The following CNTN5 variants were observed in gnomAD, a reference collection of about 807,000 sequenced individuals.
CNTN5 encodes contactin 5, also known as contactin-5.
In CNTN5, 77 loss-of-function variants were observed where a neutral mutation model predicts 129.1. That is an observed-to-expected ratio of 0.60 (90% CI 0.50 to 0.72). CNTN5 has a LOEUF of 0.72. CNTN5 is among the 30% of genes least tolerant of loss of function. CNTN5 has a pLI of 0.00. For synonymous variants in CNTN5, 509 were observed against 465.6 expected (o/e 1.09, Z -1.20); for missense variants, 1,478 against 1,328.8 (o/e 1.11, Z -1.75).
rs114081735 is a variant in CNTN5, at chr11:99,655,961, T to C, written c.55+99692T>C. ...ACACACACGTGTATATACACACATA[T>C]ATATACACATATATGCATGTGTGTA... On this transcript the variant is annotated intron_variant, in intron 3 of 24. Coordinates refer to ENST00000524871, the MANE Select transcript of CNTN5 (RefSeq NM_014361.4). 2.3e-3 allele frequency among the ~76,000 whole-genome samples: 343 copies of C among 152,190 alleles called. 1 individual carries two copies. The highest frequency in any genetic ancestry group is 7.5e-3 in the African/African-American group (312 of 41,550).
chr11:99,271,941 A>T (rs1863192014), intron 1 of CNTN5, among the ~76,000 whole-genome samples: 1 of 151,918 alleles, frequency 6.6e-6, no homozygotes, highest in African/African-American at 2.4e-5. Flanking sequence ...AGAAGTTACT[A>T]AGAAATGCAC....
intron 8 of CNTN5, among the ~76,000 whole-genome samples, chr11:99,957,533 T>A (rs1231491091): frequency 1.3e-5 from 2 of 152,216 alleles, no homozygotes; most frequent in African/African-American, 4.8e-5. Context: ...ATTATAGTAT[T>A]GCCATCTATC....
chr11:99,977,928 A>G (rs1319364405), intron 8 of CNTN5, among the ~76,000 whole-genome samples: 1 of 152,200 alleles, frequency 6.6e-6, no homozygotes, highest in East Asian at 1.9e-4. Context: ...CAACAATGAG[A>G]ATTTCAGTGC....
At chr11:99,466,867 T>A (rs1482949724) in intron 2 of CNTN5, among the ~76,000 whole-genome samples, 1 of 152,086 alleles carries the variant, frequency 6.6e-6, no homozygotes, top group Non-Finnish European at 1.5e-5. Flanking sequence ...GACAGAGAAG[T>A]GACATGTACA....
At chr11:99,396,674 C>A (rs1463388186) in intron 2 of CNTN5, among the ~76,000 whole-genome samples, 4 of 151,556 alleles carry the variant, frequency 2.6e-5, no homozygotes, top group African/African-American at 9.7e-5. Context: ...CTGCTTTTGT[C>A]ATAAATTAAA....
At chr11:99,928,952 A>G (rs921545210) in intron 7 of CNTN5, among the ~76,000 whole-genome samples, 65 of 152,196 alleles carry the variant, frequency 4.3e-4, no homozygotes, top group African/African-American at 1.5e-3. Context: ...GCATAAAACC[A>G]AATGCTTTTA....
intron 16 of CNTN5, among the ~76,000 whole-genome samples, chr11:100,242,800 G>C (rs1206959914): frequency 1.3e-5 from 2 of 152,128 alleles, no homozygotes; most frequent in African/African-American, 2.4e-5. Context: ...ACAAATGAAT[G>C]AATATGTAAC....
chr11:99,521,785 C>G (rs10501915), intron 2 of CNTN5, among the ~76,000 whole-genome samples: 2 of 151,964 alleles, frequency 1.3e-5, no homozygotes, highest in Admixed American at 1.3e-4. Context: ...GTCTTTTCCT[C>G]GCATTTTGCT....
At chr11:99,833,593 A>G (rs1362908351) in intron 4 of CNTN5, among the ~76,000 whole-genome samples, 1 of 152,154 alleles carries the variant, frequency 6.6e-6, no homozygotes, top group East Asian at 1.9e-4. Flanking sequence ...ATATTAGTTG[A>G]ATTAAATGCA....
intron 15 of CNTN5, among the ~76,000 whole-genome samples, chr11:100,223,131 T>C (rs370989979): frequency 1.5e-4 from 23 of 152,184 alleles, no homozygotes; most frequent in African/African-American, 5.5e-4. Context: ...ATTAGCAGTG[T>C]AGGACATTTA....
chr11:99,984,545 G>A (rs1357588628), intron 8 of CNTN5, among the ~76,000 whole-genome samples: 1 of 151,574 alleles, frequency 6.6e-6, no homozygotes, highest in Non-Finnish European at 1.5e-5. Flanking sequence ...TGAGGGGTGG[G>A]GGTTGGCTTC....
At chr11:100,271,866 T>C (rs2138785303) in intron 18 of CNTN5, among the ~76,000 whole-genome samples, 1 of 152,356 alleles carries the variant, frequency 6.6e-6, no homozygotes, top group Non-Finnish European at 1.5e-5. Context: ...AATTTTAAGA[T>C]ATCTTGCCTA....
intron 13 of CNTN5, among the ~76,000 whole-genome samples, chr11:100,155,264 T>G (rs1947200011): frequency 6.6e-6 from 1 of 152,188 alleles, no homozygotes; most frequent in Non-Finnish European, 1.5e-5. Flanking sequence ...CCAACACTAT[T>G]TATTACATAT....
intron 3 of CNTN5, among the ~76,000 whole-genome samples, chr11:99,726,771 G>C (rs1347532557): frequency 1.3e-5 from 2 of 152,124 alleles, no homozygotes; most frequent in African/African-American, 4.8e-5. Context: ...GAGAATGTCA[G>C]ATTCTTCCGG....
chr11:99,397,814 A>T (rs1278683725), intron 2 of CNTN5, among the ~76,000 whole-genome samples: 1 of 151,734 alleles, frequency 6.6e-6, no homozygotes, highest in African/African-American at 2.4e-5. Context: ...GGCTACTTTT[A>T]TCAGAAAATG....
chr11:99,473,024 T>A (rs956215715), intron 2 of CNTN5, among the ~76,000 whole-genome samples: 4 of 152,158 alleles, frequency 2.6e-5, no homozygotes, highest in Non-Finnish European at 5.9e-5. Context: ...TCGAATTAAT[T>A]AATGCTGCCA....
chr11:99,228,259 A>G (rs564157119), intron 1 of CNTN5, among the ~76,000 whole-genome samples: 8 of 152,270 alleles, frequency 5.3e-5, no homozygotes, highest in South Asian at 4.1e-4. Context: ...AAGTTGATTT[A>G]TGCAGGTAGA....
chr11:99,293,885 T>C (rs1012008063), intron 1 of CNTN5, among the ~76,000 whole-genome samples: 1 of 152,066 alleles, frequency 6.6e-6, no homozygotes, highest in Admixed American at 6.5e-5. Flanking sequence ...TGATCTTTTG[T>C]AATTTTTAAG....
intron 7 of CNTN5, among the ~76,000 whole-genome samples, chr11:99,919,604 A>G (rs1016246553): frequency 1.3e-5 from 2 of 151,798 alleles, no homozygotes; most frequent in African/African-American, 4.8e-5. Flanking sequence ...TTGACATGCA[A>G]TTTTTATCCC....
Sources: gnomAD v4.1 joint callset for allele counts (sites outside exome capture counted in the v4.1 genomes callset) on GRCh38, gnomAD v4.1.1 for gene constraint, MANE v1.5 for transcripts, NCBI Gene and HGNC (gene_info 2026-07-23, HGNC 2026-07-21) for gene names.